FAM47E: variants seen among roughly 807,000 people sequenced by gnomAD.
FAM47E encodes protein FAM47E.
In FAM47E, 32 loss-of-function variants were observed where a neutral mutation model predicts 41.6. That is an observed-to-expected ratio of 0.77 (90% CI 0.58 to 1.03). The LOEUF is 1.03. Among genes scored for constraint, FAM47E ranks in the 50% least tolerant of loss-of-function variants. The probability of loss-of-function intolerance (pLI) is 0.00; values close to 1 mark genes in which losing one functional copy is unlikely to be tolerated. For synonymous variants in FAM47E, 184 were observed against 188.7 expected (o/e 0.98, Z 0.20); for missense variants, 424 against 485.4 (o/e 0.87, Z 1.19).
chr4:76,244,605 A>G (rs1256908801), intron 2 of FAM47E, among the ~76,000 whole-genome samples: 5 of 123,448 alleles, frequency 4.1e-5, no homozygotes, highest in African/African-American at 1.6e-4. Context: ...CAGTGGCGTG[A>G]TCTCAGCTCA....
At chr4:76,258,824 G>T (rs977529438) in intron 2 of FAM47E, among the ~76,000 whole-genome samples, 1 of 152,200 alleles carries the variant, frequency 6.6e-6, no homozygotes, top group Non-Finnish European at 1.5e-5. Flanking sequence ...TAGTTGCATC[G>T]TGGTAGGTGG....
chr4:76,241,334 G>T (rs1733705330), intron 2 of FAM47E, among the ~76,000 whole-genome samples: 1 of 152,198 alleles, frequency 6.6e-6, no homozygotes, highest in Non-Finnish European at 1.5e-5. Flanking sequence ...AGGTGCTTCA[G>T]CCAGAGGAGG....
intron 1 of FAM47E, among the ~76,000 whole-genome samples, chr4:76,216,061 G>T (rs765749508): frequency 6.6e-6 from 1 of 152,098 alleles, no homozygotes; most frequent in Non-Finnish European, 1.5e-5. Flanking sequence ...AACCTGGTGG[G>T]GTCCTGAATG....
In FAM47E at chr4:76,272,413, C is replaced by T. The variant is rs117813286; in HGVS notation, c.870+645C>T. ...AAGTTCCTAAGTTGGAGGGGAGAGC[C>T]CTTCCCTGAAAATGAAAAACAATAT... On this transcript the variant is annotated intron_variant, in intron 5 of 7. Coordinates refer to ENST00000424749, the MANE Select transcript of FAM47E (RefSeq NM_001136570.3). 8.7e-4 allele frequency among the ~76,000 whole-genome samples: 133 copies of T among 152,278 alleles called. 1 individual carries two copies. In the East Asian group the frequency reaches 0.023, roughly 26 times the overall value.
intron 7 of FAM47E, 56 bp from the exon 8 acceptor site, chr4:76,283,324 CT>C (rs1353941758): frequency 9.0e-6 from 9 of 998,674 alleles, no homozygotes; most frequent in Non-Finnish European, 6.2e-6. Flanking sequence ...GTGGGGAGGA[CT>C]GTACTGTGCA....
chr4:76,273,901 AT>A (rs558179280), intron 5 of FAM47E, among the ~76,000 whole-genome samples: 1 of 151,194 alleles, frequency 6.6e-6, no homozygotes, highest in African/African-American at 2.4e-5. Flanking sequence ...CCCATCTAGT[AT>A]TTTTTTAGAA....
At chr4:76,268,925 A>C (rs1458453722) in intron 4 of FAM47E, 157 bp downstream of exon 4, 9 of 896,632 alleles carry the variant, frequency 1.0e-5, no homozygotes, top group Non-Finnish European at 1.4e-5. Context: ...TCGTAAAGGA[A>C]TCATTTTCTT....
Position 76,266,328 on chromosome 4 carries a change from C to T in FAM47E, c.561-2332C>T, listed in dbSNP as rs115547178. On this transcript the variant is annotated intron_variant, in intron 3 of 7. Coordinates refer to ENST00000424749, the MANE Select transcript of FAM47E (RefSeq NM_001136570.3). ...GTCCTTAGTTGTATAATTGGCATCT[C>T]AGACTAGACAAACCCAAAACTGAAC... Among the ~76,000 whole-genome samples, 582 of 152,312 alleles carry T rather than the reference C, an allele frequency of 3.8e-3. 7 individuals carry two copies. The highest frequency in any genetic ancestry group is 0.013 in the African/African-American group (553 of 41,566).
At chr4:76,221,172 A>T (rs1316947148) in intron 2 of FAM47E, among the ~76,000 whole-genome samples, 1 of 152,204 alleles carries the variant, frequency 6.6e-6, no homozygotes, top group Non-Finnish European at 1.5e-5. Context: ...GGGGAAGGGG[A>T]CAGGCTTTCT....
At chr4:76,246,344 A>G (rs1208913042) in intron 2 of FAM47E, among the ~76,000 whole-genome samples, 1 of 151,994 alleles carries the variant, frequency 6.6e-6, no homozygotes, top group East Asian at 1.9e-4. Flanking sequence ...TGGTTAGTGT[A>G]TATGCTTTAC....
intron 2 of FAM47E, among the ~76,000 whole-genome samples, chr4:76,227,448 T>C (rs113367757): frequency 0.06 from 9,213 of 152,300 alleles, 297 homozygotes; most frequent in Middle Eastern, 0.095. Context: ...AGACCTGTTT[T>C]GTGGCCTATC....
intron 1 of FAM47E, 99 bp downstream of exon 1, chr4:76,251,919 C>G: frequency 7.5e-7 from 1 of 1,327,230 alleles, no homozygotes; most frequent in Non-Finnish European, 9.6e-7. Context: ...GGGGAGAGGT[C>G]CAGCCTGCCT....
At position 76,283,707 on chromosome 4, in the gene FAM47E, T is replaced by C; in HGVS notation, c.*249T>C. 3 of 354,490 alleles carry C rather than the reference T, an allele frequency of 8.5e-6. No individual in the cohort carries two copies. The highest frequency in any genetic ancestry group is 1.6e-5 in the Non-Finnish European group (3 of 192,738). 22.0% of individuals were successfully genotyped at this position (354,490 alleles called of 1,614,324 possible). On this transcript the variant is annotated 3_prime_UTR_variant, in exon 8 of 8. Coordinates refer to ENST00000424749, the MANE Select transcript of FAM47E (RefSeq NM_001136570.3). ...TCAATATTCACATGTAATCTTCTCA[T>C]ATTTTTGTGGCACGTGAATATTATA...
chr4:76,219,805 G>T (rs1733277567), intron 2 of FAM47E, among the ~76,000 whole-genome samples: 1 of 152,054 alleles, frequency 6.6e-6, no homozygotes, highest in Admixed American at 6.6e-5. Context: ...CACTAACCTG[G>T]TCCCCGCATG....
At chr4:76,223,526 C>T (rs901952264) in intron 2 of FAM47E, among the ~76,000 whole-genome samples, 11 of 152,258 alleles carry the variant, frequency 7.2e-5, no homozygotes, top group Admixed American at 2.0e-4. Flanking sequence ...TTATTATCAC[C>T]GCCCTCTTCC....
chr4:76,272,852 A>C (rs1246964590), intron 5 of FAM47E, among the ~76,000 whole-genome samples: 1 of 152,172 alleles, frequency 6.6e-6, no homozygotes. Flanking sequence ...TGGCAAATGG[A>C]GGGTCACTAT....
intron 2 of FAM47E, among the ~76,000 whole-genome samples, chr4:76,244,880 A>G (rs1318171130): frequency 6.6e-6 from 1 of 152,154 alleles, no homozygotes; most frequent in African/African-American, 2.4e-5. Flanking sequence ...GAATTCTTAT[A>G]AGAGGTACAT....
At chr4:76,221,221 T>C (rs1225396820) in intron 2 of FAM47E, among the ~76,000 whole-genome samples, 1 of 152,242 alleles carries the variant, frequency 6.6e-6, no homozygotes, top group Non-Finnish European at 1.5e-5. Flanking sequence ...AGCCTTCACC[T>C]GCTTCACTAA....
upstream of FAM47E, among the ~76,000 whole-genome samples, chr4:76,246,938 T>G (rs1733839868): frequency 6.6e-6 from 1 of 152,158 alleles, no homozygotes; most frequent in Non-Finnish European, 1.5e-5. Flanking sequence ...TTTAAAAAAT[T>G]GTGTCAAAAT....
Sources: allele counts gnomAD v4.1 joint callset (sites outside exome capture counted in the v4.1 genomes callset), GRCh38; gene constraint gnomAD v4.1.1; transcripts MANE v1.5; gene names NCBI Gene and HGNC (gene_info 2026-07-23, HGNC 2026-07-21).